The following FXYD2 variants were observed in gnomAD, a reference collection of about 807,000 sequenced individuals.
FXYD2 encodes sodium/potassium-transporting ATPase subunit gamma.
FXYD2 carries 8 observed loss-of-function variants against 11.8 expected under a neutral mutation model. The observed-to-expected ratio is 0.68, with a 90% CI of 0.40 to 1.22. The LOEUF (loss-of-function observed/expected upper bound fraction) is 1.22, where lower values mean the gene tolerates loss of function less well. FXYD2 is among the 50% of genes most tolerant of loss of function. FXYD2 has a pLI of 0.01. For missense variants in FXYD2, 92 were observed against 91.8 expected (o/e 1.00, Z -0.01); for synonymous variants, 42 against 33.3 (o/e 1.26, Z -0.90).
intron 3 of FXYD2, chr11:117,821,168 T>C (rs887279192): frequency 5.2e-6 from 2 of 381,400 alleles, no homozygotes; most frequent in Non-Finnish European, 8.3e-6. Context: ...GTAATCCTCC[T>C]GCCTCAGCCT....
chr11:117,822,540 T>TGCCCCTCC lies in FXYD2; in HGVS notation c.65-61_65-60insGGAGGGGC. On this transcript the variant is annotated intron_variant, in intron 2 of 5. Coordinates refer to ENST00000292079, the MANE Select transcript of FXYD2 (RefSeq NM_001680.5). The surrounding 1 kb of genome is among the most constrained non-coding windows in gnomAD (Gnocchi z 4.7). The stretch of plus-strand genomic sequence containing the variant: ...TGGTCTCTCCCAGCAGCTGTCTCTC[T>TGCCCCTCC]CCGCAGCCTGCCCGCAGCAGCCCGT... The TGCCCCTCC allele has an allele frequency of 6.4e-7, 1 of 1,555,626 alleles. No homozygotes were observed. Among genetic ancestry groups the TGCCCCTCC allele is most frequent in the Non-Finnish European group, 8.7e-7 (1 of 1,149,090 alleles).
intron 3 of FXYD2, chr11:117,821,411 A>G (rs1422765483): frequency 1.1e-5 from 11 of 986,522 alleles, no homozygotes; most frequent in Non-Finnish European, 1.3e-5. Flanking sequence ...AACCTAAGTC[A>G]GTCAGTCAGT....
At chr11:117,827,613 A>G (rs973274248), upstream of FXYD2, among the ~76,000 whole-genome samples, 1 of 152,186 alleles carries the variant, frequency 6.6e-6, no homozygotes, top group African/African-American at 2.4e-5. Context: ...TTATCACCCC[A>G]TTTCATAGAG....
chr11:117,827,851 A>G (rs2056077004), upstream of FXYD2: 7 of 715,148 alleles, frequency 9.8e-6, no homozygotes, highest in Non-Finnish European at 1.6e-5. Context: ...CCGTATGGAG[A>G]TGCTCTTTTT....
At position 117,824,451 on chromosome 11, in the gene FXYD2, A is replaced by G. The variant is rs574342063; in HGVS notation, c.25+203T>C. On this transcript the variant is annotated intron_variant, in intron 1 of 5. Coordinates refer to ENST00000292079, the MANE Select transcript of FXYD2 (RefSeq NM_001680.5). The surrounding 1 kb of genome is among the most constrained non-coding windows in gnomAD (Gnocchi z 4.0). ...CTGCTGCCTTTCTGCCACTCAAGCT[A>G]TCTTTCTTTGGGGTTAAAGCAGGGT... 2 of 637,020 alleles carry G rather than the reference A, an allele frequency of 3.1e-6. No homozygotes were observed. The highest frequency in any genetic ancestry group is 1.8e-5 in the South Asian group (1 of 56,648). The allele number at this position is 637,020 out of a possible 1,614,324, so 39.5% of individuals were successfully genotyped here.
chr11:117,822,227 C>G lies in FXYD2; in HGVS notation c.139+179G>C. The G allele has an allele frequency of 6.7e-7, 1 of 1,496,962 alleles. No individual in the cohort carries two copies. Among genetic ancestry groups the G allele is most frequent in the Non-Finnish European group, 8.9e-7 (1 of 1,123,696 alleles). 92.7% of individuals were successfully genotyped at this position (1,496,962 alleles called of 1,614,324 possible). A position where few individuals can be genotyped will look rare whatever the true frequency, so the allele number is the denominator to read the frequency against. On this transcript the variant is annotated intron_variant, in intron 3 of 5. Transcript: ENST00000292079. This position sits in a 1 kb window ranked among gnomAD's most constrained non-coding sequence, Gnocchi z 4.7. ...TGCACTTGAGCAAGCAGGAACCTCA[C>G]ACTGTGCTCCCAGCGAGCCTGGCAC...
intron 1 of FXYD2, among the ~76,000 whole-genome samples, chr11:117,823,200 G>A (rs1423678347): frequency 6.6e-6 from 1 of 152,166 alleles, no homozygotes; most frequent in Non-Finnish European, 1.5e-5. Context: ...AAGTCCTAAT[G>A]AAAGCTGAGA....
chr11:117,822,636 G>T lies in FXYD2; in HGVS notation c.64+43C>A. On this transcript the variant is annotated intron_variant, in intron 2 of 5. Transcript: ENST00000292079. The surrounding 1 kb of genome is among the most constrained non-coding windows in gnomAD (Gnocchi z 4.7). ...GGAGAGGCCGCTGCTTGGTGGAAGG[G>T]GTCCTGAGGGCTCAGGAAGGGTGCG... is the stretch of plus-strand genomic sequence containing the variant. 6.2e-7 allele frequency: 1 copy of T among 1,601,612 alleles called. No homozygotes were observed. Among genetic ancestry groups the T allele is most frequent in the South Asian group, 1.1e-5 (1 of 88,322 alleles).
rs144279659 is a variant in FXYD2 at position 117,822,419 on chromosome 11, G to A, written c.126C>T (p.Leu42=). 1,326 of 1,559,370 alleles carry A rather than the reference G, an allele frequency of 8.5e-4. No individual in the cohort carries two copies. Among genetic ancestry groups the A allele is most frequent in the Non-Finnish European group, 1.1e-3 (1,266 of 1,150,810 alleles). The stretch of plus-strand genomic sequence containing the variant: ...CACCCCACTTACTGAGGAGGATGAG[G>A]AGCCCCACGATGAAGGCCAGTCCAG... ...IFAGLAFIVG[L]LILLSRRFRC... is the part of the protein sequence containing the mutation. The change falls in exon 3 of 6, where the codon CTC becomes CTT. Residue 42 remains leucine, a synonymous_variant. Coordinates refer to ENST00000292079, the MANE Select transcript of FXYD2 (RefSeq NM_001680.5). The surrounding 1 kb of genome is among the most constrained non-coding windows in gnomAD (Gnocchi z 4.7).
chr11:117,820,639 C>CA, intron 5 of FXYD2, 27 bp downstream of exon 5: 1 of 1,613,562 alleles, frequency 6.2e-7, no homozygotes, highest in African/African-American at 1.3e-5. Context: ...GCCCTCCCCG[C>CA]ACCTTCCCCA....
chr11:117,823,937 C>A (rs1265245294), intron 1 of FXYD2, among the ~76,000 whole-genome samples: 2 of 152,224 alleles, frequency 1.3e-5, no homozygotes, highest in Non-Finnish European at 2.9e-5. Context: ...ATGAAGGACC[C>A]AGGTCCCACA....
At chr11:117,828,037 A>G, upstream of FXYD2, 1 of 1,550,632 alleles carries the variant, frequency 6.4e-7, no homozygotes, top group Non-Finnish European at 8.7e-7. Context: ...GGTTGTGTCC[A>G]GGAGTGCAGG....
Position 117,820,713 on chromosome 11 carries a change from A to T in FXYD2, c.177-17T>A, listed in dbSNP as rs2055879531. 1 of 1,613,976 alleles carries T rather than the reference A, an allele frequency of 6.2e-7. No homozygotes were observed. Among genetic ancestry groups the T allele is most frequent in the Non-Finnish European group, 8.5e-7 (1 of 1,179,998 alleles). On this transcript the variant is annotated splice_polypyrimidine_tract_variant and intron_variant, in intron 4 of 5. Coordinates refer to ENST00000292079, the MANE Select transcript of FXYD2 (RefSeq NM_001680.5). ...TTGATTTGCCTGGTGGGGGAAGGAA[A>T]AGCAACAGGTGAGAGGGCAGGGGGA...
rs1221095302 is a variant in FXYD2, at chr11:117,822,339, T to C, written c.139+67A>G. On this transcript the variant is annotated intron_variant, in intron 3 of 5. Transcript: ENST00000292079. This position sits in a 1 kb window ranked among gnomAD's most constrained non-coding sequence, Gnocchi z 4.7. ...CCTTGGCAACTCCCGAAAGCCAGCCTGCTCAGCGGCCTTGAGAAGAGAGGT... is the reference window on the plus strand; with the variant it reads ...CCTTGGCAACTCCCGAAAGCCAGCCCGCTCAGCGGCCTTGAGAAGAGAGGT... 3 of 1,549,658 alleles carry C rather than the reference T, an allele frequency of 1.9e-6. No homozygotes were observed. Among genetic ancestry groups the C allele is most frequent in the Non-Finnish European group, 2.6e-6 (3 of 1,146,834 alleles).
In FXYD2 at chr11:117,824,633, C is replaced by T. The variant is rs750118630; in HGVS notation, c.25+21G>A. On this transcript the variant is annotated intron_variant, in intron 1 of 5. Coordinates refer to ENST00000292079, the MANE Select transcript of FXYD2 (RefSeq NM_001680.5). This position sits in a 1 kb window ranked among gnomAD's most constrained non-coding sequence, Gnocchi z 4.0. The stretch of plus-strand genomic sequence containing the variant: ...CCACCCAGCATTGCACACGCCCGGG[C>T]ACGCACACCAGCACACTCACCACCG... 6.2e-7 allele frequency: 1 copy of T among 1,606,370 alleles called. No individual in the cohort carries two copies. Among genetic ancestry groups the T allele is most frequent in the East Asian group, 2.2e-5 (1 of 44,840 alleles).
upstream of FXYD2, among the ~76,000 whole-genome samples, chr11:117,827,297 T>C (rs1295104100): frequency 6.6e-6 from 1 of 152,232 alleles, no homozygotes; most frequent in East Asian, 1.9e-4. Flanking sequence ...TCACCCAGGC[T>C]GGAGTGCAAT....
chr11:117,827,474 C>T (rs1317369907), upstream of FXYD2, among the ~76,000 whole-genome samples: 1 of 152,194 alleles, frequency 6.6e-6, no homozygotes, highest in Non-Finnish European at 1.5e-5. Flanking sequence ...GTCTCGAACT[C>T]CTGACCTCAG....
upstream of FXYD2, among the ~76,000 whole-genome samples, chr11:117,826,778 G>GTCTGTCTGTCTGTCTA (rs1344802450): frequency 9.4e-4 from 118 of 125,868 alleles, no homozygotes; most frequent in East Asian, 5.6e-3. Context: ...CTGTCTGTCT[G>GTCTGTCTGTCTGTCTA]TCTATCTATC....
chr11:117,821,874 T>G (rs1309530257), intron 3 of FXYD2: 34 of 1,000,258 alleles, frequency 3.4e-5, no homozygotes, highest in Non-Finnish European at 4.1e-5. Flanking sequence ...TGTGTATTTT[T>G]CTTTGGGTTG....
Sources: allele counts gnomAD v4.1 joint callset (sites outside exome capture counted in the v4.1 genomes callset), GRCh38; gene constraint gnomAD v4.1.1; non-coding constraint Gnocchi (gnomAD v3.1); transcripts MANE v1.5; gene names NCBI Gene and HGNC (gene_info 2026-07-23, HGNC 2026-07-21).